GRB10: variants seen among roughly 807,000 people sequenced by gnomAD.
GRB10 encodes growth factor receptor bound protein 10, also known as growth factor receptor-bound protein 10.
A neutral mutation model predicts 80.9 loss-of-function variants in GRB10; 20 were observed. That is an observed-to-expected ratio of 0.25 (90% confidence interval 0.17 to 0.36). GRB10 has a LOEUF of 0.36. Among genes scored for constraint, GRB10 ranks in the 10% least tolerant of loss-of-function variants. The pLI, the probability that GRB10 is intolerant of heterozygous loss-of-function variation, is 1.00. For synonymous variants in GRB10, 291 were observed against 291.5 expected (o/e 1.00, Z 0.02); for missense variants, 548 against 747.7 (o/e 0.73, Z 3.12).
chr7:50,597,591 G>A (rs2046889816), intron 17 of GRB10, among the ~76,000 whole-genome samples: 1 of 152,276 alleles, frequency 6.6e-6, no homozygotes, highest in African/African-American at 2.4e-5. Flanking sequence ...GGAAGCTACA[G>A]ACGAGTGAAT....
chr7:50,692,332 A>G (rs1402584144), intron 5 of GRB10, among the ~76,000 whole-genome samples: 4 of 152,254 alleles, frequency 2.6e-5, no homozygotes, highest in Non-Finnish European at 4.4e-5. Flanking sequence ...ATAATGAATA[A>G]AATCTTCAAG....
rs552314555 is a variant in GRB10, at chr7:50,603,919, C to G, written c.1544+79G>C. 1.2e-3 allele frequency: 1,377 copies of G among 1,159,634 alleles called. 26 individuals are homozygous for G. The South Asian group carries it at 0.016, about 14-fold the overall frequency. 71.8% of individuals were successfully genotyped at this position (1,159,634 alleles called of 1,614,324 possible). A position where few individuals can be genotyped will look rare whatever the true frequency, so the allele number is the denominator to read the frequency against. On this transcript the variant is annotated intron_variant, in intron 17 of 18. Transcript: ENST00000401949. ...ACTGCTGCCTGTCCAGCAAGGATGT[C>G]TGAGGAATTAAACAGAACAGATCCC...
At chr7:50,657,027 G>C (rs1192580447) in intron 7 of GRB10, among the ~76,000 whole-genome samples, 1 of 152,204 alleles carries the variant, frequency 6.6e-6, no homozygotes, top group African/African-American at 2.4e-5. Flanking sequence ...TCACTGTGAA[G>C]TAGGTAAATA....
chr7:50,667,390 T>C (rs926783216), intron 7 of GRB10, among the ~76,000 whole-genome samples: 4 of 152,210 alleles, frequency 2.6e-5, no homozygotes, highest in African/African-American at 9.6e-5. Context: ...TTCAGAATCC[T>C]TGACTAGACC....
intron 5 of GRB10, among the ~76,000 whole-genome samples, chr7:50,700,705 T>A (rs1181124094): frequency 6.6e-6 from 1 of 152,218 alleles, no homozygotes; most frequent in Non-Finnish European, 1.5e-5. Context: ...TGCAATTTCC[T>A]CTCTAACTCA....
intron 5 of GRB10, among the ~76,000 whole-genome samples, chr7:50,688,272 G>C (rs556570570): frequency 6.6e-6 from 1 of 152,286 alleles, no homozygotes; most frequent in East Asian, 1.9e-4. Flanking sequence ...CATGATCCCT[G>C]GGCTTAAGGA....
At chr7:50,674,292 T>C in intron 6 of GRB10, 144 bp downstream of exon 6, 1 of 822,980 alleles carries the variant, frequency 1.2e-6, no homozygotes, top group Non-Finnish European at 2.0e-6. Flanking sequence ...GTGTATCCGT[T>C]ATCCCATCAA....
At chr7:50,684,271 A>AAAAAAAAAAAAAAAAAG (rs2061862349) in intron 5 of GRB10, among the ~76,000 whole-genome samples, 1 of 144,278 alleles carries the variant, frequency 6.9e-6, no homozygotes, top group African/African-American at 2.8e-5. Flanking sequence ...CATCACCAAA[A>AAAAAAAAAAAAAAAAAG]AAAAAAAAAA....
intron 7 of GRB10, among the ~76,000 whole-genome samples, chr7:50,655,839 C>G (rs776002720): frequency 7.2e-5 from 11 of 152,232 alleles, no homozygotes; most frequent in Non-Finnish European, 1.3e-4. Context: ...TGTCCTCATT[C>G]CCTCTTTCTG....
chr7:50,658,961 C>G (rs535027799), intron 7 of GRB10, among the ~76,000 whole-genome samples: 1 of 152,142 alleles, frequency 6.6e-6, no homozygotes, highest in Admixed American at 6.5e-5. Flanking sequence ...GAGAGACCTC[C>G]GCTTTAGCAA....
intron 5 of GRB10, among the ~76,000 whole-genome samples, chr7:50,691,201 G>A (rs1192458888): frequency 6.6e-6 from 1 of 152,186 alleles, no homozygotes; most frequent in Non-Finnish European, 1.5e-5. Context: ...CCCTACAGTT[G>A]AAATCTTGGT....
Position 50,663,592 on chromosome 7 carries a change from G to A in GRB10, c.504+6130C>T, listed in dbSNP as rs1260693502. Among the ~76,000 whole-genome samples, 3 of 152,316 alleles carry A rather than the reference G, an allele frequency of 2.0e-5. No homozygotes were observed. In the South Asian group the frequency reaches 6.2e-4, roughly 32 times the overall value. Reference sequence around the variant, plus strand: ...ATGGTCAAGCCAGCCACTCAGGAAAGGTCATACTGGACTGCTGACTGGAGC... The same window carrying A: ...ATGGTCAAGCCAGCCACTCAGGAAAAGTCATACTGGACTGCTGACTGGAGC... On this transcript the variant is annotated intron_variant, in intron 7 of 18. Coordinates refer to ENST00000401949, the MANE Select transcript of GRB10 (RefSeq NM_001350814.2).
chr7:50,684,204 G>A (rs1164385049), intron 5 of GRB10, among the ~76,000 whole-genome samples: 3 of 139,512 alleles, frequency 2.2e-5, no homozygotes, highest in African/African-American at 8.3e-5. Context: ...CTAAAGTCTA[G>A]GACAAACTTC....
At chr7:50,763,066 C>T (rs1158793091) in intron 2 of GRB10, among the ~76,000 whole-genome samples, 2 of 150,362 alleles carry the variant, frequency 1.3e-5, no homozygotes, top group Admixed American at 6.6e-5. Context: ...TGCAGCGAGC[C>T]GAGATCGTGC....
chr7:50,676,351 T>C (rs1005256162), intron 5 of GRB10, among the ~76,000 whole-genome samples: 2 of 83,180 alleles, frequency 2.4e-5, no homozygotes, highest in Non-Finnish European at 4.8e-5. Context: ...GGGGGGGGGG[T>C]TGTAAGGACT....
chr7:50,691,340 T>C (rs2062789324), intron 5 of GRB10, among the ~76,000 whole-genome samples: 1 of 152,198 alleles, frequency 6.6e-6, no homozygotes, highest in Admixed American at 6.5e-5. Context: ...CCCACCAGTC[T>C]GGGTTCAAAT....
At chr7:50,779,240 A>C (rs2153712799) in intron 2 of GRB10, 1 of 152,330 alleles carries the variant, frequency 6.6e-6, no homozygotes, top group South Asian at 2.1e-4. Context: ...GCCACTGACC[A>C]ACTGCAAGCA....
intron 5 of GRB10, among the ~76,000 whole-genome samples, chr7:50,684,332 A>ATT (rs11370738): frequency 0.031 from 4,431 of 142,134 alleles, 228 homozygotes; most frequent in African/African-American, 0.11. Context: ...TTCCAGTGAG[A>ATT]TTTTTTTTTT....
At chr7:50,732,689 T>C (rs1191421764) in intron 3 of GRB10, among the ~76,000 whole-genome samples, 5 of 152,034 alleles carry the variant, frequency 3.3e-5, no homozygotes, top group Admixed American at 3.3e-4. Context: ...CCTTCTTCCC[T>C]ATACCATCTA....
Sources: allele counts gnomAD v4.1 joint callset (sites outside exome capture counted in the v4.1 genomes callset), GRCh38; gene constraint gnomAD v4.1.1; transcripts MANE v1.5; gene names NCBI Gene and HGNC (gene_info 2026-07-23, HGNC 2026-07-21).